Variants in CCDC192 observed in about 807,000 individuals in gnomAD.
CCDC192 encodes the protein coiled-coil domain-containing protein 192.
At chr5:127,795,828 G>A (rs1338801000) in intron 3 of CCDC192, among the ~76,000 whole-genome samples, 1 of 151,982 alleles carries the variant, frequency 6.6e-6, no homozygotes, top group Non-Finnish European at 1.5e-5. Context: ...ACACTATACT[G>A]TGTCTCTAAT....
At chr5:127,760,316 G>T (rs1464072377) in intron 3 of CCDC192, among the ~76,000 whole-genome samples, 1 of 150,656 alleles carries the variant, frequency 6.6e-6, no homozygotes, top group East Asian at 2.0e-4. Context: ...CTCTTTAAAG[G>T]TTTTTTAAGA....
chr5:127,762,678 C>T (rs903006070), intron 3 of CCDC192, among the ~76,000 whole-genome samples: 6 of 152,010 alleles, frequency 3.9e-5, no homozygotes, highest in Non-Finnish European at 7.4e-5. Flanking sequence ...AATAGCTGAC[C>T]GGTGCTAATA....
At chr5:127,831,966 G>T (rs1024299663) in intron 5 of CCDC192, among the ~76,000 whole-genome samples, 4 of 151,588 alleles carry the variant, frequency 2.6e-5, no homozygotes, top group African/African-American at 9.7e-5. Context: ...GATAAAAATA[G>T]CATAGTAAAT....
intron 6 of CCDC192, among the ~76,000 whole-genome samples, chr5:127,894,397 T>C (rs771773128): frequency 3.9e-5 from 6 of 152,030 alleles, no homozygotes; most frequent in African/African-American, 7.2e-5. Context: ...TTCACCATGT[T>C]GGCCAGGATG....
chr5:127,702,360 C>T (rs755148806), upstream of CCDC192, among the ~76,000 whole-genome samples: 1 of 152,206 alleles, frequency 6.6e-6, no homozygotes, highest in Non-Finnish European at 1.5e-5. Context: ...ATTGCCCAAT[C>T]CTTGCCTTTC....
chr5:127,766,090 G>A (rs1373867286), intron 3 of CCDC192, among the ~76,000 whole-genome samples: 2 of 152,070 alleles, frequency 1.3e-5, no homozygotes, highest in African/African-American at 2.4e-5. Flanking sequence ...TGATTCTGAC[G>A]GGATGATTTT....
At chr5:127,925,194 C>G (rs1488897435) in intron 6 of CCDC192, among the ~76,000 whole-genome samples, 1 of 152,060 alleles carries the variant, frequency 6.6e-6, no homozygotes, top group African/African-American at 2.4e-5. Flanking sequence ...TATAACTTAC[C>G]TGATAAAGTA....
intron 3 of CCDC192, among the ~76,000 whole-genome samples, chr5:127,792,973 G>T (rs1231100054): frequency 6.6e-6 from 1 of 152,106 alleles, no homozygotes; most frequent in African/African-American, 2.4e-5. Context: ...GAAAATAGAT[G>T]TCTTAGTCAT....
intron 3 of CCDC192, among the ~76,000 whole-genome samples, chr5:127,778,462 C>T (rs1161013961): frequency 1.3e-5 from 2 of 152,140 alleles, no homozygotes; most frequent in African/African-American, 4.8e-5. Flanking sequence ...TGAGATTAAT[C>T]CCACTTGGTC....
intron 2 of CCDC192, among the ~76,000 whole-genome samples, chr5:127,721,359 G>A (rs1350961063): frequency 6.6e-6 from 1 of 152,148 alleles, no homozygotes; most frequent in Non-Finnish European, 1.5e-5. Context: ...GAGGCAAAAT[G>A]CCTCCAGCTT....
In CCDC192 at chr5:127,939,878, T is replaced by C. The variant is rs559187840; in HGVS notation, c.536-1304T>C. 2.0e-5 allele frequency among the ~76,000 whole-genome samples: 3 copies of C among 152,344 alleles called. No homozygotes were observed. In the East Asian group the frequency reaches 5.8e-4, roughly 29 times the overall value. On this transcript the variant is annotated intron_variant, in intron 6 of 6. Coordinates refer to ENST00000514853, the MANE Select transcript of CCDC192 (RefSeq NM_001317938.2). ...GGACCTCAATTGTAACAATCTACCG[T>C]GGAGACCACGCATCAGGTTCATTCA...
chr5:127,789,518 G>A (rs1191690436), intron 3 of CCDC192, among the ~76,000 whole-genome samples: 2 of 152,236 alleles, frequency 1.3e-5, no homozygotes, highest in Non-Finnish European at 2.9e-5. Flanking sequence ...GAATTTGTGA[G>A]TGATAAAAGT....
At chr5:127,861,156 G>A (rs971250087) in intron 5 of CCDC192, among the ~76,000 whole-genome samples, 1 of 151,742 alleles carries the variant, frequency 6.6e-6, no homozygotes, top group African/African-American at 2.4e-5. Flanking sequence ...TTACAGGCAT[G>A]TGCCACCATG....
intron 3 of CCDC192, among the ~76,000 whole-genome samples, chr5:127,755,795 ATT>A (rs34895757): frequency 6.7e-4 from 99 of 147,846 alleles, no homozygotes; most frequent in Admixed American, 1.2e-3. Flanking sequence ...GGTATATAGG[ATT>A]TTTTTTTTTT....
At chr5:127,917,601 G>T (rs1036999519) in intron 6 of CCDC192, among the ~76,000 whole-genome samples, 3 of 152,168 alleles carry the variant, frequency 2.0e-5, no homozygotes, top group African/African-American at 7.2e-5. Flanking sequence ...GGCCAGAGAA[G>T]AGGGAGAAAG....
intron 3 of CCDC192, among the ~76,000 whole-genome samples, chr5:127,780,215 A>T (rs1391268709): frequency 6.6e-6 from 1 of 152,116 alleles, no homozygotes; most frequent in African/African-American, 2.4e-5. Context: ...TCATTGATTG[A>T]TGAGCATTTG....
chr5:127,758,888 C>A (rs1252709878), intron 3 of CCDC192, among the ~76,000 whole-genome samples: 1 of 152,212 alleles, frequency 6.6e-6, no homozygotes, highest in African/African-American at 2.4e-5. Flanking sequence ...ATAGACCATA[C>A]AGCTTTTGTG....
chr5:127,723,718 G>A (rs1055613759), intron 2 of CCDC192, among the ~76,000 whole-genome samples: 7 of 152,212 alleles, frequency 4.6e-5, no homozygotes, highest in African/African-American at 1.4e-4. Context: ...AATGCAGGTG[G>A]CAACAGGGTA....
rs188202252 is a variant in CCDC192, at chr5:127,707,259, T to C, written c.63-450T>C. 3.5e-4 allele frequency among the ~76,000 whole-genome samples: 53 copies of C among 152,248 alleles called. 1 individual carries two copies. In the East Asian group the frequency reaches 9.3e-3, roughly 27 times the overall value. On this transcript the variant is annotated intron_variant, in intron 1 of 6. Coordinates refer to ENST00000514853, the MANE Select transcript of CCDC192 (RefSeq NM_001317938.2). ...GGAAACTAAAACGGTAAGAAGGCTC[T>C]AGGCATGATAAATAACAACATGTTT...
Sources: allele counts gnomAD v4.1 joint callset (sites outside exome capture counted in the v4.1 genomes callset), GRCh38; gene constraint gnomAD v4.1.1; transcripts MANE v1.5; gene names NCBI Gene and HGNC (gene_info 2026-07-23, HGNC 2026-07-21).